Variants in SLC23A1 observed in about 807,000 individuals in gnomAD.
SLC23A1 encodes solute carrier family 23 member 1.
SLC23A1 carries 31 observed loss-of-function variants against 62.5 expected under a neutral mutation model. The ratio of observed to expected loss-of-function variants is 0.50; its 90% CI spans 0.37 to 0.67. The LOEUF (loss-of-function observed/expected upper bound fraction) is 0.67, where lower values mean the gene tolerates loss of function less well. Among genes scored for constraint, SLC23A1 ranks in the 30% least tolerant of loss-of-function variants. The pLI, the probability that SLC23A1 is intolerant of heterozygous loss-of-function variation, is 0.00. For missense variants in SLC23A1, 640 were observed against 782.7 expected (o/e 0.82, Z 2.18); for synonymous variants, 271 against 313.2 (o/e 0.87, Z 1.42).
rs1176612554 is a variant in SLC23A1 at position 139,367,558 on chromosome 5, G to A, written c.*93C>T. 1 of 152,038 alleles carries A rather than the reference G, an allele frequency of 6.6e-6. No homozygotes were observed. Among genetic ancestry groups the A allele is most frequent in the Non-Finnish European group, 1.5e-5 (1 of 68,018 alleles). 9.4% of individuals were successfully genotyped at this position (152,038 alleles called of 1,614,324 possible). On this transcript the variant is annotated 3_prime_UTR_variant, in exon 15 of 15. Coordinates refer to ENST00000348729, the MANE Select transcript of SLC23A1 (RefSeq NM_005847.5). ...GAGTTTACACAGAAGTTAGTTAGGG[G>A]CAGGGCTGGGATTTCAGGCTTAGGT...
At chr5:139,376,587 C>T (rs1350562922) in intron 13 of SLC23A1, among the ~76,000 whole-genome samples, 1 of 152,176 alleles carries the variant, frequency 6.6e-6, no homozygotes, top group Admixed American at 6.5e-5. Flanking sequence ...TATCAGAGCA[C>T]CTGGTGACAT....
chr5:139,372,129 A>G lies in SLC23A1; in HGVS notation c.1674T>C (p.Phe558=). 6.2e-7 allele frequency: 1 copy of G among 1,613,926 alleles called. No homozygotes were observed. The highest frequency in any genetic ancestry group is 8.5e-7 in the Non-Finnish European group (1 of 1,179,738). ...IGMGIVKRIT[F]LKYIPICPVF... is the part of the protein sequence containing the mutation. ...CTGGGCAGATAGGAATGTATTTCAG[A>G]AAGGTAATTCTTTTTACTATGCCCA... is the stretch of plus-strand genomic sequence containing the variant. The change falls in exon 14 of 15, where the codon TTT becomes TTC. Residue 558 remains phenylalanine (F), a synonymous_variant. Coordinates refer to ENST00000348729, the MANE Select transcript of SLC23A1 (RefSeq NM_005847.5).
In SLC23A1 at chr5:139,379,166, C is replaced by A. The variant is rs553576080; in HGVS notation, c.1073+41G>T. On this transcript the variant is annotated intron_variant, in intron 9 of 14. Coordinates refer to ENST00000348729, the MANE Select transcript of SLC23A1 (RefSeq NM_005847.5). This position sits in a 1 kb window ranked among gnomAD's most constrained non-coding sequence, Gnocchi z 4.7. Reference sequence around the variant, plus strand: ...GTTCCTGTGTGTGCTTCCTGGGTGGCGCCTGAGGAGATCAGATACTGAGGA... The same window carrying A: ...GTTCCTGTGTGTGCTTCCTGGGTGGAGCCTGAGGAGATCAGATACTGAGGA... The A allele has an allele frequency of 2.5e-6, 4 of 1,607,012 alleles. No individual in the cohort carries two copies. Among genetic ancestry groups the A allele is most frequent in the Non-Finnish European group, 3.4e-6 (4 of 1,174,638 alleles).
intron 13 of SLC23A1, among the ~76,000 whole-genome samples, chr5:139,373,846 G>C (rs1757810329): frequency 6.6e-6 from 1 of 152,200 alleles, no homozygotes; most frequent in South Asian, 2.1e-4. Context: ...ATGAGCCATA[G>C]GTGTGGCGTA....
At chr5:139,380,932 G>A (rs1316220067) in intron 3 of SLC23A1, 46 bp from the exon 4 acceptor site, 1 of 666,372 alleles carries the variant, frequency 1.5e-6, no homozygotes, top group Non-Finnish European at 2.7e-6. Context: ...GGGCGGGTGG[G>A]GAGGAGGGAT....
rs200631596 is a variant in SLC23A1 at position 139,381,938 on chromosome 5, T to C, written c.262A>G (p.Thr88Ala). 3.3e-4 allele frequency: 520 copies of C among 1,583,044 alleles called. No homozygotes were observed. The highest frequency in any genetic ancestry group is 4.2e-4 in the Non-Finnish European group (492 of 1,165,664). ...MVSQLIGTIF[T>A]CVGITTLIQT... Reference sequence around the variant, plus strand: ...ATGAGAGTGGTGATGCCCACGCACGTGAAGATGGTGCCGATGAGCTGACTA... The same window carrying C: ...ATGAGAGTGGTGATGCCCACGCACGCGAAGATGGTGCCGATGAGCTGACTA... The change falls in exon 3 of 15, where the codon ACG becomes GCG. Residue 88 changes from threonine (T) to alanine (A), a missense_variant. Transcript: ENST00000348729.
chr5:139,382,799 C>T lies in SLC23A1; in HGVS notation c.37-194G>A, dbSNP rs72552213. On this transcript the variant is annotated intron_variant, in intron 1 of 14. Coordinates refer to ENST00000348729, the MANE Select transcript of SLC23A1 (RefSeq NM_005847.5). Reference sequence around the variant, plus strand: ...TTTTCTCCCACTTTGCATTGCTTCCCGCAGGGATGAGTCTACTGTGCCAGC... The same window carrying T: ...TTTTCTCCCACTTTGCATTGCTTCCTGCAGGGATGAGTCTACTGTGCCAGC... Among the ~76,000 whole-genome samples, 80 of 152,316 alleles carry T rather than the reference C, an allele frequency of 5.3e-4. 2 individuals carry two copies. Among genetic ancestry groups the T allele is most frequent in the African/African-American group, 1.8e-3 (73 of 41,580 alleles).
chr5:139,370,853 G>A (rs1361349002), intron 14 of SLC23A1, among the ~76,000 whole-genome samples: 1 of 152,062 alleles, frequency 6.6e-6, no homozygotes, highest in Non-Finnish European at 1.5e-5. Flanking sequence ...TACTTTGGGA[G>A]GTCAAGGTAG....
chr5:139,381,939 G>C lies in SLC23A1; in HGVS notation c.261C>G (p.Phe87Leu). The C allele has an allele frequency of 6.3e-7, 1 of 1,584,126 alleles. No individual in the cohort carries two copies. Among genetic ancestry groups the C allele is most frequent in the East Asian group, 2.3e-5 (1 of 43,252 alleles). ...TGAGAGTGGTGATGCCCACGCACGT[G>C]AAGATGGTGCCGATGAGCTGACTAA... ...HMVSQLIGTIFTCVGITTLIQ... is the reference protein window; with the variant it reads ...HMVSQLIGTILTCVGITTLIQ... Residue 87 changes from phenylalanine to leucine, a missense_variant, in exon 3 of 15, where the codon TTC becomes TTG. Coordinates refer to ENST00000348729, the MANE Select transcript of SLC23A1 (RefSeq NM_005847.5).
intron 14 of SLC23A1, chr5:139,368,587 C>A: frequency 1.6e-6 from 1 of 606,866 alleles, no homozygotes; most frequent in Non-Finnish European, 3.0e-6. Flanking sequence ...ACATCTGGTT[C>A]TTCCTTTTTG....
At position 139,378,264 on chromosome 5, in the gene SLC23A1, G is replaced by A; in HGVS notation, c.1267C>T (p.Leu423Phe). Residue 423 changes from leucine (L) to phenylalanine (F), a missense_variant, in exon 11 of 15, where the codon CTC becomes TTC. Transcript: ENST00000348729. The surrounding 1 kb of genome is among the most constrained non-coding windows in gnomAD (Gnocchi z 4.5). ...ATGCCCCCCAGGATGGGGTCAGGGA[G>A]CGAGGCGAAGAGGGCCGTGAACTTG... ...IGKFTALFAS[L>F]PDPILGGMFC... 1.2e-6 allele frequency: 2 copies of A among 1,609,636 alleles called. No homozygotes were observed. The highest frequency in any genetic ancestry group is 2.2e-5 in the East Asian group (1 of 44,684).
At chr5:139,373,036 A>C (rs183502640) in intron 13 of SLC23A1, among the ~76,000 whole-genome samples, 29 of 152,184 alleles carry the variant, frequency 1.9e-4, no homozygotes, top group African/African-American at 7.0e-4. Flanking sequence ...GAAACACTAT[A>C]ATCAGTGTTA....
rs1182145362 is a variant in SLC23A1 at position 139,378,464 on chromosome 5, G to A, written c.1180-113C>T. On this transcript the variant is annotated intron_variant, in intron 10 of 14. Coordinates refer to ENST00000348729, the MANE Select transcript of SLC23A1 (RefSeq NM_005847.5). The surrounding 1 kb of genome is among the most constrained non-coding windows in gnomAD (Gnocchi z 4.5). The stretch of plus-strand genomic sequence containing the variant: ...GCATAAACCGGCTGGGGCTTGATGC[G>A]GGGGCGAGGCCTCTCAAAGACAGGG... 2.8e-6 allele frequency: 4 copies of A among 1,444,844 alleles called. No homozygotes were observed. Among genetic ancestry groups the A allele is most frequent in the African/African-American group, 2.8e-5 (2 of 70,958 alleles). 89.5% of individuals were successfully genotyped at this position (1,444,844 alleles called of 1,614,324 possible).
upstream of SLC23A1, chr5:139,384,590 C>T (rs745568228): frequency 2.4e-6 from 3 of 1,272,572 alleles, no homozygotes; most frequent in Non-Finnish European, 3.1e-6. Context: ...TTCTCTCCAA[C>T]TTCTCCTCCC....
At chr5:139,384,819 C>T (rs1581387589), upstream of SLC23A1, 3 of 855,410 alleles carry the variant, frequency 3.5e-6, no homozygotes, top group Non-Finnish European at 4.2e-6. Context: ...GTGCCCGGCT[C>T]CACACCCTGT....
At chr5:139,382,673 G>A in intron 1 of SLC23A1, 68 bp from the exon 2 acceptor site, 1 of 979,818 alleles carries the variant, frequency 1.0e-6, no homozygotes. Context: ...TTCTGCCCCA[G>A]AATCAATCAG....
At chr5:139,384,541 G>A (rs1245754292), upstream of SLC23A1, 1 of 1,289,298 alleles carries the variant, frequency 7.8e-7, no homozygotes, top group Admixed American at 2.3e-5. Context: ...TTCCAAAGTT[G>A]CTGGACCAGT....
At chr5:139,371,325 T>C (rs113742959) in intron 14 of SLC23A1, among the ~76,000 whole-genome samples, 1,881 of 152,240 alleles carry the variant, frequency 0.012, 38 homozygotes, top group African/African-American at 0.041. Flanking sequence ...TGGGAACTTT[T>C]CTTGTCTGTC....
chr5:139,370,470 CTTTATTTATTTATTTATTTATTTATT>C (rs1757587182), intron 14 of SLC23A1, among the ~76,000 whole-genome samples: 2 of 140,200 alleles, frequency 1.4e-5, no homozygotes, highest in African/African-American at 5.2e-5. Flanking sequence ...CGCACCCAGC[CTTTATTTATTTATTTATTTATTTATT>C]TATTTATTTA....
Sources: gnomAD v4.1 joint callset for allele counts (sites outside exome capture counted in the v4.1 genomes callset) on GRCh38, gnomAD v4.1.1 for gene constraint, Gnocchi (gnomAD v3.1) non-coding constraint, MANE v1.5 for transcripts, NCBI Gene and HGNC (gene_info 2026-07-23, HGNC 2026-07-21) for gene names.